AKAP6: variants seen among roughly 807,000 people sequenced by gnomAD.
The protein encoded by AKAP6 is A-kinase anchor protein 6.
In AKAP6, 58 loss-of-function variants were observed where a neutral mutation model predicts 188.5. The observed-to-expected ratio is 0.31, with a 90% confidence interval of 0.25 to 0.38. The LOEUF is 0.38. Among genes scored for constraint, AKAP6 ranks in the 10% least tolerant of loss-of-function variants. The pLI is 1.00. For synonymous variants in AKAP6, 989 were observed against 998.6 expected (o/e 0.99, Z 0.18); for missense variants, 2,710 against 2,740.0 (o/e 0.99, Z 0.24).
chr14:32,810,122 G>A (rs1029679998), intron 12 of AKAP6, among the ~76,000 whole-genome samples: 4 of 152,188 alleles, frequency 2.6e-5, no homozygotes, highest in Middle Eastern at 3.4e-3. Flanking sequence ...ATCTCTGTGC[G>A]ATCAACTCAG....
chr14:32,678,344 A>G lies in AKAP6; in HGVS notation c.2764A>G (p.Arg922Gly), dbSNP rs1889523614. 1 of 1,613,440 alleles carries G rather than the reference A, an allele frequency of 6.2e-7. No homozygotes were observed. The highest frequency in any genetic ancestry group is 8.5e-7 in the Non-Finnish European group (1 of 1,179,554). The part of the protein sequence containing the change: ...EVQLCYLEAQ[R>G]DAVEQMSLKL... ...TCAACTATGCTACCTGGAAGCACAAAGAGATGCTGTTGAGCAGATGTCCCT... is the reference window on the plus strand; with the variant it reads ...TCAACTATGCTACCTGGAAGCACAAGGAGATGCTGTTGAGCAGATGTCCCT... Residue 922 changes from arginine (R) to glycine (G), a missense_variant, in exon 8 of 14, where the codon AGA becomes GGA. By Grantham distance (125) the Arg-to-Gly change is moderately radical. This residue lies in a region of AKAP6 where 2,473 missense variants were observed against 2,426.1 expected (regional missense o/e 1.02). Transcript: ENST00000280979.
rs759055762 is a variant in AKAP6, at chr14:32,678,426, A to T, written c.2846A>T (p.Asp949Val). Residue 949 changes from aspartate (D) to valine (V), a missense_variant, in exon 8 of 14, where the codon GAT (aspartate) becomes GTT (valine). Asp to Val is a radical substitution (Grantham distance 152). Transcript: ENST00000280979. ...SSSKRKEEFA[D>V]MSKVHSVGSN... is the part of the protein sequence containing the mutation. Reference sequence around the variant, plus strand: ...AGCAAGCGAAAGGAAGAGTTTGCTGATATGTCAAAAGTTCATTCAGTGGGA... The same window carrying T: ...AGCAAGCGAAAGGAAGAGTTTGCTGTTATGTCAAAAGTTCATTCAGTGGGA... The T allele has an allele frequency of 6.2e-7, 1 of 1,613,926 alleles. No homozygotes were observed. The highest frequency in any genetic ancestry group is 8.5e-7 in the Non-Finnish European group (1 of 1,179,862).
chr14:32,714,602 A>G (rs2030085034), intron 9 of AKAP6, among the ~76,000 whole-genome samples: 1 of 151,910 alleles, frequency 6.6e-6, no homozygotes, highest in Admixed American at 6.6e-5. Flanking sequence ...GATTCTCTGC[A>G]GTGTCTTTTG....
At chr14:32,344,178 A>G (rs1442756117) in intron 1 of AKAP6, among the ~76,000 whole-genome samples, 4 of 152,198 alleles carry the variant, frequency 2.6e-5, no homozygotes, top group Admixed American at 6.5e-5. Flanking sequence ...GCCATCAGGC[A>G]TTGCCCAAGG....
At chr14:32,564,273 A>G (rs1040846178) in intron 4 of AKAP6, among the ~76,000 whole-genome samples, 1 of 152,202 alleles carries the variant, frequency 6.6e-6, no homozygotes, top group Non-Finnish European at 1.5e-5. Flanking sequence ...CGGATGTAGA[A>G]CCCACAGATA....
chr14:32,579,704 TC>T (rs1205969340), intron 5 of AKAP6, among the ~76,000 whole-genome samples: 1 of 152,126 alleles, frequency 6.6e-6, no homozygotes, highest in Non-Finnish European at 1.5e-5. Flanking sequence ...GTCTATATTG[TC>T]CTCCTGATCA....
chr14:32,727,502 T>A (rs2139812176), intron 9 of AKAP6, among the ~76,000 whole-genome samples: 1 of 152,316 alleles, frequency 6.6e-6, no homozygotes, highest in East Asian at 1.9e-4. Flanking sequence ...CAATTCATTT[T>A]AATATTTGTA....
chr14:32,369,081 T>G (rs1446487449), intron 1 of AKAP6, among the ~76,000 whole-genome samples: 1 of 151,840 alleles, frequency 6.6e-6, no homozygotes, highest in East Asian at 1.9e-4. Flanking sequence ...ACTGGGCAAA[T>G]CAGGAAAGAT....
intron 4 of AKAP6, among the ~76,000 whole-genome samples, chr14:32,549,234 T>G (rs1199010629): frequency 6.6e-6 from 1 of 152,122 alleles, no homozygotes; most frequent in South Asian, 2.1e-4. Context: ...TTCCTGTCCA[T>G]GAGGAAGTGA....
At chr14:32,403,983 C>T (rs1889186078) in intron 1 of AKAP6, among the ~76,000 whole-genome samples, 1 of 152,092 alleles carries the variant, frequency 6.6e-6, no homozygotes, top group South Asian at 2.1e-4. Context: ...CTTGTGTTTG[C>T]TTGGCATTTT....
intron 5 of AKAP6, among the ~76,000 whole-genome samples, chr14:32,593,621 C>T (rs1359826143): frequency 6.6e-6 from 1 of 152,102 alleles, no homozygotes; most frequent in Non-Finnish European, 1.5e-5. Flanking sequence ...TAAAATAAAT[C>T]AAAATTCTCC....
intron 2 of AKAP6, chr14:32,494,228 C>T (rs1880189921): frequency 6.6e-6 from 1 of 152,168 alleles, no homozygotes; most frequent in Non-Finnish European, 1.5e-5. Context: ...CCACCCCTTC[C>T]TGGAAATCCA....
At chr14:32,630,031 A>G (rs574590281) in intron 7 of AKAP6, among the ~76,000 whole-genome samples, 18 of 152,284 alleles carry the variant, frequency 1.2e-4, no homozygotes, top group Non-Finnish European at 2.2e-4. Context: ...CTGGGTTTAA[A>G]TGACCATTTC....
At chr14:32,609,196 G>C (rs1481497911) in intron 7 of AKAP6, among the ~76,000 whole-genome samples, 1 of 152,056 alleles carries the variant, frequency 6.6e-6, no homozygotes, top group Non-Finnish European at 1.5e-5. Context: ...TACTCCAAAT[G>C]CTTGTTTAAC....
In AKAP6 at chr14:32,820,293, A is replaced by G. The variant is rs556256273; in HGVS notation, c.3589-1109A>G. ...CAAGTTCTGCACTATGTATATATAT[A>G]TATAATCTTTCTTGGCTCTAGCATG... On this transcript the variant is annotated intron_variant, in intron 12 of 13. Coordinates refer to ENST00000280979, the MANE Select transcript of AKAP6 (RefSeq NM_004274.5). Among the ~76,000 whole-genome samples, 3 of 152,118 alleles carry G rather than the reference A, an allele frequency of 2.0e-5. No individual in the cohort carries two copies. The East Asian group carries it at 5.8e-4, about 29-fold the overall frequency.
chr14:32,505,181 A>T (rs1198522877), intron 2 of AKAP6, among the ~76,000 whole-genome samples: 1 of 152,124 alleles, frequency 6.6e-6, no homozygotes, highest in East Asian at 1.9e-4. Context: ...CTTAGAGCCC[A>T]CTAGCTCCAA....
chr14:32,670,698 G>A (rs1889150091), intron 7 of AKAP6, among the ~76,000 whole-genome samples: 1 of 151,892 alleles, frequency 6.6e-6, no homozygotes, highest in Non-Finnish European at 1.5e-5. Flanking sequence ...AAGCCCAAAT[G>A]GCTCATGAAT....
chr14:32,746,975 G>A (rs367796541), intron 11 of AKAP6, among the ~76,000 whole-genome samples: 34 of 152,242 alleles, frequency 2.2e-4, no homozygotes, highest in African/African-American at 7.7e-4. Context: ...GTGCACCATT[G>A]ACAAGTAATT....
intron 12 of AKAP6, among the ~76,000 whole-genome samples, chr14:32,812,176 G>A (rs61981393): frequency 0.15 from 22,526 of 152,122 alleles, 1,854 homozygotes; most frequent in Middle Eastern, 0.25. Context: ...AAGAATGTAT[G>A]CAACTTTGCA....
Sources: allele counts gnomAD v4.1 joint callset (sites outside exome capture counted in the v4.1 genomes callset), GRCh38; gene constraint gnomAD v4.1.1; regional missense constraint gnomAD v4.1.1; transcripts MANE v1.5; gene names NCBI Gene and HGNC (gene_info 2026-07-23, HGNC 2026-07-21).